The following DTWD2 variants were observed in gnomAD, a reference collection of about 807,000 sequenced individuals.
DTWD2 encodes tRNA-uridine aminocarboxypropyltransferase 2.
DTWD2 carries 39 observed loss-of-function variants against 31.8 expected under a neutral mutation model. That is an observed-to-expected ratio of 1.22 (90% CI 0.95 to 1.60). The LOEUF is 1.60. DTWD2 is among the 40% of genes most tolerant of loss of function. DTWD2 has a pLI of 0.00. For missense variants in DTWD2, 515 were observed against 381.5 expected (o/e 1.35, Z -2.92); for synonymous variants, 180 against 142.8 (o/e 1.26, Z -1.86).
At chr5:118,874,362 T>A (rs1000479669) in intron 4 of DTWD2, among the ~76,000 whole-genome samples, 2 of 152,164 alleles carry the variant, frequency 1.3e-5, no homozygotes, top group Non-Finnish European at 2.9e-5. Flanking sequence ...GAGGCTGAGA[T>A]GGCTGAAATG....
At chr5:118,883,349 C>A (rs1281000575) in intron 4 of DTWD2, among the ~76,000 whole-genome samples, 1 of 152,212 alleles carries the variant, frequency 6.6e-6, no homozygotes, top group African/African-American at 2.4e-5. Flanking sequence ...AATTTTTCCA[C>A]ATCTTCCTGT....
At chr5:118,843,952 G>C (rs1482662853) in intron 5 of DTWD2, among the ~76,000 whole-genome samples, 1 of 152,158 alleles carries the variant, frequency 6.6e-6, no homozygotes, top group East Asian at 1.9e-4. Flanking sequence ...TGTCACCTTA[G>C]GGCAGAAGCA....
intron 4 of DTWD2, among the ~76,000 whole-genome samples, chr5:118,910,790 CAG>C (rs1753441863): frequency 6.6e-6 from 1 of 152,160 alleles, no homozygotes; most frequent in African/African-American, 2.4e-5. Context: ...AGTTCGGGAG[CAG>C]AGTCTGAGAA....
At chr5:118,927,502 AC>A (rs773560463) in intron 4 of DTWD2, among the ~76,000 whole-genome samples, 1 of 151,944 alleles carries the variant, frequency 6.6e-6, no homozygotes, top group Non-Finnish European at 1.5e-5. Context: ...TGTGTAAAAA[AC>A]GTTTGTGTAT....
chr5:118,847,982 G>T, intron 5 of DTWD2, 108 bp downstream of exon 5: 1 of 1,225,882 alleles, frequency 8.2e-7, no homozygotes, highest in South Asian at 2.3e-5. Flanking sequence ...TAACACAGAA[G>T]ATTCTACTTG....
chr5:118,890,534 T>C (rs943845991), intron 4 of DTWD2, among the ~76,000 whole-genome samples: 2 of 151,296 alleles, frequency 1.3e-5, no homozygotes, highest in South Asian at 4.2e-4. Context: ...TAAATGTATA[T>C]GTAAAAAAGT....
rs112737380 is a variant in DTWD2 at position 118,973,782 on chromosome 5, C to T, written c.218+14512G>A. 1.8e-3 allele frequency: 2,849 copies of T among 1,611,200 alleles called. 57 individuals carry two copies. In the African/African-American group the frequency reaches 0.034, roughly 19 times the overall value. On this transcript the variant is annotated intron_variant, in intron 1 of 5. Coordinates refer to ENST00000510708, the MANE Select transcript of DTWD2 (RefSeq NM_173666.4). ...TTTTTAATCGCCTGCATCGGATCAC[C>T]GGCGTGCCCCACCATGTCAGACGCA...
At chr5:118,974,669 A>G (rs1281577322) in intron 1 of DTWD2, 1 of 505,622 alleles carries the variant, frequency 2.0e-6, no homozygotes, top group African/African-American at 2.0e-5. Flanking sequence ...GATGGTTAAA[A>G]AGGCCAAAGA....
intron 1 of DTWD2, among the ~76,000 whole-genome samples, chr5:118,966,093 G>T (rs931114427): frequency 6.6e-6 from 1 of 151,992 alleles, no homozygotes; most frequent in African/African-American, 2.4e-5. Context: ...TATCAGCTAC[G>T]GTTTGGGTGC....
intron 4 of DTWD2, among the ~76,000 whole-genome samples, chr5:118,857,977 G>C (rs1394669660): frequency 1.3e-5 from 2 of 152,290 alleles, no homozygotes; most frequent in East Asian, 1.9e-4. Context: ...GAACAGAATT[G>C]AATCTTATCA....
chr5:118,867,705 T>C (rs1752407861), intron 4 of DTWD2, among the ~76,000 whole-genome samples: 1 of 152,132 alleles, frequency 6.6e-6, no homozygotes. Flanking sequence ...AAAATACACA[T>C]GAACATGCAG....
chr5:118,910,407 T>C (rs1753432485), intron 4 of DTWD2, among the ~76,000 whole-genome samples: 1 of 152,200 alleles, frequency 6.6e-6, no homozygotes, highest in South Asian at 2.1e-4. Context: ...TCATTTCCAA[T>C]AAAATCTTCC....
At chr5:118,966,584 C>T (rs1754854605) in intron 1 of DTWD2, among the ~76,000 whole-genome samples, 1 of 152,114 alleles carries the variant, frequency 6.6e-6, no homozygotes, top group African/African-American at 2.4e-5. Flanking sequence ...AGTCTTATAT[C>T]TTTAGTACAT....
chr5:118,914,558 T>C (rs1423456181), intron 4 of DTWD2, among the ~76,000 whole-genome samples: 1 of 152,170 alleles, frequency 6.6e-6, no homozygotes, highest in Non-Finnish European at 1.5e-5. Context: ...AATAAGACAT[T>C]AAAAGTAACA....
At chr5:118,967,373 G>C (rs1032315224) in intron 1 of DTWD2, among the ~76,000 whole-genome samples, 1 of 152,180 alleles carries the variant, frequency 6.6e-6, no homozygotes, top group Non-Finnish European at 1.5e-5. Flanking sequence ...AAACATCTCA[G>C]TAGCAATAAG....
chr5:118,851,215 T>A, intron 4 of DTWD2, among the ~76,000 whole-genome samples: 1 of 108,066 alleles, frequency 9.3e-6, no homozygotes, highest in Admixed American at 1.2e-4. Context: ...TGAGACCCTA[T>A]CTCAAAAAAA....
chr5:118,870,287 G>C (rs1434923073), intron 4 of DTWD2, among the ~76,000 whole-genome samples: 2 of 152,126 alleles, frequency 1.3e-5, no homozygotes, highest in Admixed American at 1.3e-4. Flanking sequence ...TTACATAATA[G>C]TAACGAACTA....
At chr5:118,965,785 G>A (rs1409131530) in intron 1 of DTWD2, among the ~76,000 whole-genome samples, 1 of 152,064 alleles carries the variant, frequency 6.6e-6, no homozygotes, top group Non-Finnish European at 1.5e-5. Context: ...AAGTGCCCAG[G>A]GATACAAACA....
chr5:118,899,755 T>C (rs961729008), intron 4 of DTWD2, among the ~76,000 whole-genome samples: 4 of 151,816 alleles, frequency 2.6e-5, no homozygotes, highest in African/African-American at 9.7e-5. Flanking sequence ...TTAAATTTTA[T>C]AGAAATTGAA....
Sources: gnomAD v4.1 joint callset for allele counts (sites outside exome capture counted in the v4.1 genomes callset) on GRCh38, gnomAD v4.1.1 for gene constraint, MANE v1.5 for transcripts, NCBI Gene and HGNC (gene_info 2026-07-23, HGNC 2026-07-21) for gene names.